Variants in RAB3IP observed in about 807,000 individuals in gnomAD.
The protein encoded by RAB3IP is RAB3A interacting protein, also known as rab-3A-interacting protein.
Under a neutral mutation model 59.1 loss-of-function variants are expected in RAB3IP, and 36 were observed. That is an observed-to-expected ratio of 0.61 (90% confidence interval 0.47 to 0.80). The LOEUF (loss-of-function observed/expected upper bound fraction) is 0.80. Among genes scored for constraint, RAB3IP ranks in the 30% least tolerant of loss-of-function variants. The pLI is 0.00. For missense variants in RAB3IP, 511 were observed against 536.0 expected (o/e 0.95, Z 0.46); for synonymous variants, 207 against 191.2 (o/e 1.08, Z -0.68).
At chr12:69,759,702 A>AC (rs1489794037) in intron 3 of RAB3IP, among the ~76,000 whole-genome samples, 1 of 125,800 alleles carries the variant, frequency 7.9e-6, no homozygotes, top group Non-Finnish European at 1.7e-5. Context: ...GCAGGGGCTG[A>AC]CCCCCCACCT....
intron 3 of RAB3IP, among the ~76,000 whole-genome samples, chr12:69,771,552 T>C (rs1166298167): frequency 6.6e-6 from 1 of 151,958 alleles, no homozygotes; most frequent in African/African-American, 2.4e-5. Context: ...GTTCATTCAC[T>C]GATGAACACT....
chr12:69,794,507 A>T lies in RAB3IP; in HGVS notation c.677A>T (p.Gln226Leu). 1 of 1,612,284 alleles carries T rather than the reference A, an allele frequency of 6.2e-7. No homozygotes were observed. Among genetic ancestry groups the T allele is most frequent in the Non-Finnish European group, 8.5e-7 (1 of 1,178,998 alleles). Residue 226 changes from glutamine (Q) to leucine (L), a missense_variant, in exon 5 of 11, where the codon CAA becomes CTA. Physicochemically the swap from Gln to Leu is moderately radical, Grantham distance 113. Transcript: ENST00000247833. The part of the protein sequence containing the change: ...ATAEKQLKEA[Q>L]GKIDVLQAEV... ...GCAGAAAAACAGCTAAAAGAAGCAC[A>T]AGGAAAAGTGAGTTTTTGCAGCTCT... is the stretch of plus-strand genomic sequence containing the variant.
At chr12:69,761,723 G>A (rs1871337469) in intron 3 of RAB3IP, among the ~76,000 whole-genome samples, 1 of 152,238 alleles carries the variant, frequency 6.6e-6, no homozygotes, top group African/African-American at 2.4e-5. Flanking sequence ...TGTATATGCG[G>A]TTATACAAGT....
chr12:69,808,259 T>G (rs1447043204), intron 8 of RAB3IP, among the ~76,000 whole-genome samples: 1 of 152,170 alleles, frequency 6.6e-6, no homozygotes, highest in Non-Finnish European at 1.5e-5. Context: ...TGAGAGACAG[T>G]TTGTTATAAT....
In RAB3IP at chr12:69,819,047, A is replaced by G. The variant is rs1881429422; in HGVS notation, c.*3601A>G. The G allele has an allele frequency of 6.6e-6, 1 of 152,214 alleles. No individual in the cohort carries two copies. The highest frequency in any genetic ancestry group is 2.1e-4 in the South Asian group (1 of 4,822). The allele number at this position is 152,214 out of a possible 1,614,324, so 9.4% of individuals were successfully genotyped here. A position where few individuals can be genotyped will look rare whatever the true frequency, so the allele number is the denominator to read the frequency against. ...GATTTCACCTGTGAATAGCTACTAT[A>G]TTCCAACCTGGGCAACGTAGACCTT... On this transcript the variant is annotated 3_prime_UTR_variant, in exon 11 of 11. Transcript: ENST00000247833.
rs544811041 is a variant in RAB3IP, at chr12:69,801,841, G to A, written c.1130+120G>A. On this transcript the variant is annotated intron_variant, in intron 8 of 10. Transcript: ENST00000247833. The stretch of plus-strand genomic sequence containing the variant: ...TATTTCCCTCAGATTTCTCTTAAGC[G>A]TCTGTGTAGCCTAGCCCAAAGACAA... 124 of 635,890 alleles carry A rather than the reference G, an allele frequency of 2.0e-4. 1 individual carries two copies. In the Middle Eastern group the frequency reaches 2.1e-3, roughly 11 times the overall value. 39.4% of individuals were successfully genotyped at this position (635,890 alleles called of 1,614,324 possible). A position where few individuals can be genotyped will look rare whatever the true frequency, so the allele number is the denominator to read the frequency against.
chr12:69,761,491 C>A (rs1871302498), intron 3 of RAB3IP, among the ~76,000 whole-genome samples: 1 of 152,036 alleles, frequency 6.6e-6, no homozygotes, highest in Non-Finnish European at 1.5e-5. Context: ...AATCCCTGTT[C>A]CTCTATCTTA....
chr12:69,794,818 A>G (rs1034858308), intron 5 of RAB3IP, among the ~76,000 whole-genome samples: 2 of 152,172 alleles, frequency 1.3e-5, no homozygotes, highest in African/African-American at 4.8e-5. Flanking sequence ...AGCCACCTAA[A>G]TGTTATTAGA....
chr12:69,804,110 C>T (rs958399623), intron 8 of RAB3IP, among the ~76,000 whole-genome samples: 1 of 152,138 alleles, frequency 6.6e-6, no homozygotes, highest in African/African-American at 2.4e-5. Context: ...TTTACAGTCC[C>T]ACCAACAGTG....
Position 69,822,518 on chromosome 12 carries a change from C to A in RAB3IP, c.*7072C>A, listed in dbSNP as rs1881854093. 1 of 106,984 alleles carries A rather than the reference C, an allele frequency of 9.3e-6. No homozygotes were observed. 6.6% of individuals were successfully genotyped at this position (106,984 alleles called of 1,614,324 possible). On this transcript the variant is annotated 3_prime_UTR_variant, in exon 11 of 11. Coordinates refer to ENST00000247833, the MANE Select transcript of RAB3IP (RefSeq NM_022456.5). ...AGTGAATACAACAGGATAGCAGAGGCTGGGAAGGGTAATGGGGGTTGGGGG... is the reference window on the plus strand; with the variant it reads ...AGTGAATACAACAGGATAGCAGAGGATGGGAAGGGTAATGGGGGTTGGGGG...
At chr12:69,738,824 C>CGCTCCCGGCTCCCG (rs1051321232), upstream of RAB3IP, 1 of 152,264 alleles carries the variant, frequency 6.6e-6, no homozygotes, top group Admixed American at 6.5e-5. Context: ...GAGGACCGGC[C>CGCTCCCGGCTCCCG]GCTCCCGGCT....
chr12:69,796,256 C>T (rs533992119), intron 6 of RAB3IP: 378 of 153,966 alleles, frequency 2.5e-3, no homozygotes, highest in African/African-American at 8.6e-3. Flanking sequence ...GCTGAGATTG[C>T]GCCATCACAC....
At chr12:69,772,345 T>G (rs879426269) in intron 3 of RAB3IP, among the ~76,000 whole-genome samples, 1 of 152,166 alleles carries the variant, frequency 6.6e-6, no homozygotes, top group Non-Finnish European at 1.5e-5. Context: ...AGTTGGGTCT[T>G]GTTTTTTAAA....
intron 4 of RAB3IP, among the ~76,000 whole-genome samples, chr12:69,788,718 C>T (rs571808316): frequency 2.0e-5 from 3 of 152,060 alleles, no homozygotes; most frequent in Admixed American, 6.5e-5. Flanking sequence ...CTAACAGATA[C>T]GTATGGAACT....
chr12:69,780,533 G>A (rs1592537801), intron 3 of RAB3IP, among the ~76,000 whole-genome samples: 1 of 152,232 alleles, frequency 6.6e-6, no homozygotes, highest in Non-Finnish European at 1.5e-5. Context: ...AGAGAGGCTA[G>A]AGTAGAGAGT....
At chr12:69,780,288 A>T (rs955945316) in intron 3 of RAB3IP, among the ~76,000 whole-genome samples, 10 of 152,066 alleles carry the variant, frequency 6.6e-5, no homozygotes, top group African/African-American at 2.4e-4. Context: ...GACCCCTTAC[A>T]CTCTGCTGTA....
intron 3 of RAB3IP, among the ~76,000 whole-genome samples, chr12:69,780,079 G>A (rs750478216): frequency 6.6e-6 from 1 of 152,112 alleles, no homozygotes; most frequent in Non-Finnish European, 1.5e-5. Flanking sequence ...TTTTTACCAC[G>A]AAGATGACAT....
chr12:69,801,360 T>C (rs1221466574), intron 7 of RAB3IP, among the ~76,000 whole-genome samples: 4 of 152,202 alleles, frequency 2.6e-5, no homozygotes, highest in African/African-American at 7.2e-5. Context: ...GAGACTGGAA[T>C]TGATGCCTTG....
chr12:69,800,217 A>C lies in RAB3IP; in HGVS notation c.897A>C (p.Leu299Phe). The C allele has an allele frequency of 6.5e-7, 1 of 1,542,114 alleles. No homozygotes were observed. Among genetic ancestry groups the C allele is most frequent in the Non-Finnish European group, 8.7e-7 (1 of 1,150,612 alleles). The change falls in exon 7 of 11, where the codon TTA (leucine) becomes TTC (phenylalanine). Residue 299 changes from leucine to phenylalanine, a missense_variant. Coordinates refer to ENST00000247833, the MANE Select transcript of RAB3IP (RefSeq NM_022456.5). ...TTCCTTTGGTTTGTTAGGCTGACTT[A>C]TCCTTGTATAATGAATTCCGATTGT... is the stretch of plus-strand genomic sequence containing the variant. ...PIVKDCKEAD[L>F]SLYNEFRLWK...
Sources: allele counts gnomAD v4.1 joint callset (sites outside exome capture counted in the v4.1 genomes callset), GRCh38; gene constraint gnomAD v4.1.1; transcripts MANE v1.5; gene names NCBI Gene and HGNC (gene_info 2026-07-23, HGNC 2026-07-21).